MTARC2: variants seen among roughly 807,000 people sequenced by gnomAD.
The protein encoded by MTARC2 is mitochondrial amidoxime reducing component 2.
MTARC2 carries 27 observed loss-of-function variants against 35.6 expected under a neutral mutation model. The ratio of observed to expected loss-of-function variants is 0.76; its 90% CI spans 0.56 to 1.04. MTARC2 has a LOEUF of 1.04. MTARC2 is among the 50% of genes least tolerant of loss of function. The pLI is 0.00. For synonymous variants in MTARC2, 158 were observed against 167.1 expected, an observed-to-expected ratio of 0.95 and a Z score of 0.42; for missense variants, 412 against 432.5, an observed-to-expected ratio of 0.95 and a Z score of 0.42.
chr1:220,768,922 C>T (rs984002082), intron 4 of MTARC2, among the ~76,000 whole-genome samples: 2 of 152,096 alleles, frequency 1.3e-5, no homozygotes, highest in Non-Finnish European at 2.9e-5. Context: ...TGGGGAGCTT[C>T]TGACATGCGT....
intron 4 of MTARC2, among the ~76,000 whole-genome samples, chr1:220,776,597 A>G (rs1671920758): frequency 1.3e-5 from 2 of 152,300 alleles, no homozygotes; most frequent in Admixed American, 6.5e-5. Context: ...TTTAGGAAGT[A>G]ACTAGAGCCG....
At chr1:220,761,604 C>T in intron 2 of MTARC2, 54 bp from the exon 3 acceptor site, 2 of 1,524,024 alleles carry the variant, frequency 1.3e-6, no homozygotes, top group Non-Finnish European at 1.8e-6. Flanking sequence ...TGACACCATC[C>T]CTCAGTGTAT....
intron 2 of MTARC2, among the ~76,000 whole-genome samples, chr1:220,758,873 T>C (rs1419976733): frequency 6.6e-6 from 1 of 152,058 alleles, no homozygotes; most frequent in Non-Finnish European, 1.5e-5. Flanking sequence ...GTGTGTGTAT[T>C]AAATAAAGCA....
At chr1:220,773,957 AT>A (rs1391598626) in intron 4 of MTARC2, among the ~76,000 whole-genome samples, 1 of 149,184 alleles carries the variant, frequency 6.7e-6, no homozygotes, top group Non-Finnish European at 1.5e-5. Context: ...ATCCTCTATT[AT>A]ATATAAACAC....
chr1:220,755,227 G>T, intron 2 of MTARC2, 107 bp downstream of exon 2: 7 of 1,216,878 alleles, frequency 5.8e-6, no homozygotes, highest in African/African-American at 1.5e-5. Flanking sequence ...GATGACATTG[G>T]TAAAGGAAAC....
Position 220,780,014 on chromosome 1 carries a change from T to A in MTARC2, c.751-4T>A. 1.3e-6 allele frequency: 2 copies of A among 1,531,748 alleles called. No individual in the cohort carries two copies. Among genetic ancestry groups the A allele is most frequent in the African/African-American group, 1.4e-5 (1 of 70,102 alleles). The allele number at this position is 1,531,748 out of a possible 1,614,324, so 94.9% of individuals were successfully genotyped here. A position where few individuals can be genotyped will look rare whatever the true frequency, so the allele number is the denominator to read the frequency against. ...TTAAAAGATAACTTTCTCTTTTCTC[T>A]TAGGATACCTGGGATGAACTCCTAA... On this transcript the variant is annotated splice_polypyrimidine_tract_variant and splice_region_variant and intron_variant, in intron 4 of 7. Coordinates refer to ENST00000366913, the MANE Select transcript of MTARC2 (RefSeq NM_017898.5).
intron 4 of MTARC2, among the ~76,000 whole-genome samples, chr1:220,766,771 C>T (rs948118397): frequency 6.6e-6 from 1 of 151,294 alleles, no homozygotes; most frequent in Non-Finnish European, 1.5e-5. Flanking sequence ...CTAATGTAAA[C>T]CTAATCCTGC....
intron 4 of MTARC2, among the ~76,000 whole-genome samples, chr1:220,771,442 C>T (rs536018984): frequency 2.0e-5 from 3 of 152,110 alleles, no homozygotes; most frequent in Admixed American, 2.0e-4. Context: ...CATGCGATTC[C>T]GTAGGAGCAT....
At chr1:220,780,315 T>C (rs748842754) in intron 6 of MTARC2, 76 bp downstream of exon 6, 1 of 1,308,036 alleles carries the variant, frequency 7.6e-7, no homozygotes, top group Non-Finnish European at 1.1e-6. Context: ...AGGTGCTATG[T>C]CTGCTTTAGG....
intron 4 of MTARC2, among the ~76,000 whole-genome samples, chr1:220,772,144 A>G (rs946736567): frequency 1.3e-5 from 2 of 152,204 alleles, no homozygotes; most frequent in African/African-American, 4.8e-5. Flanking sequence ...TTGTTTAGCC[A>G]TTCCCTTATG....
intron 1 of MTARC2, 59 bp downstream of exon 1, chr1:220,748,862 G>A (rs972552692): frequency 9.4e-6 from 14 of 1,484,802 alleles, no homozygotes; most frequent in African/African-American, 2.9e-5. Context: ...GGAGCGGGGG[G>A]GCAGGTGGGG....
At chr1:220,760,774 G>A (rs148548086) in intron 2 of MTARC2, among the ~76,000 whole-genome samples, 169 of 152,142 alleles carry the variant, frequency 1.1e-3, no homozygotes, top group African/African-American at 3.9e-3. Context: ...GTAAGTGAGC[G>A]ATAGCCATAA....
At chr1:220,759,381 A>C (rs1192049518) in intron 2 of MTARC2, among the ~76,000 whole-genome samples, 1 of 152,158 alleles carries the variant, frequency 6.6e-6, no homozygotes, top group Non-Finnish European at 1.5e-5. Flanking sequence ...TGTAGAAGAG[A>C]GTGGACTTTG....
At chr1:220,771,296 C>CAAAAAAAG (rs1671737762) in intron 4 of MTARC2, among the ~76,000 whole-genome samples, 1 of 57,108 alleles carries the variant, frequency 1.8e-5, no homozygotes, top group Admixed American at 2.2e-4. Flanking sequence ...GAGACTGTCT[C>CAAAAAAAG]AAAAAAAAAA....
In MTARC2 at chr1:220,761,671, G is replaced by A. The variant is rs534822816; in HGVS notation, c.460G>A (p.Asp154Asn). 2.5e-5 allele frequency: 41 copies of A among 1,610,948 alleles called. No individual in the cohort carries two copies. Among genetic ancestry groups the A allele is most frequent in the Middle Eastern group, 3.3e-4 (2 of 6,054 alleles). Residue 154 changes from aspartate to asparagine, a missense_variant, in exon 3 of 8, where the codon GAC (aspartate) becomes AAC (asparagine). By Grantham distance (23) the Asp-to-Asn change is conservative (BLOSUM62 1). Transcript: ENST00000366913. ...TGACCTTTCCAGGATATTTGGCCTT[G>A]ACATTAAAGGCAGAGACTGTGGCAA... ...KLHNCRIFGL[D>N]IKGRDCGNEA...
At chr1:220,778,771 A>G (rs1671988477) in intron 4 of MTARC2, among the ~76,000 whole-genome samples, 1 of 152,224 alleles carries the variant, frequency 6.6e-6, no homozygotes, top group Non-Finnish European at 1.5e-5. Context: ...GTTTCTTAAA[A>G]GCAGGAGATG....
intron 4 of MTARC2, among the ~76,000 whole-genome samples, chr1:220,771,518 C>G (rs1671744215): frequency 6.6e-6 from 1 of 152,158 alleles, no homozygotes; most frequent in Admixed American, 6.5e-5. Flanking sequence ...GGTCTCCACA[C>G]AGTGCCGTTC....
chr1:220,750,967 A>G (rs959819078), intron 1 of MTARC2, among the ~76,000 whole-genome samples: 2 of 152,364 alleles, frequency 1.3e-5, no homozygotes, highest in South Asian at 4.1e-4. Context: ...AATGAGGTTG[A>G]ACTTCATGGT....
At chr1:220,779,183 G>A (rs1292260989) in intron 4 of MTARC2, among the ~76,000 whole-genome samples, 2 of 152,050 alleles carry the variant, frequency 1.3e-5, no homozygotes, top group Non-Finnish European at 2.9e-5. Context: ...GTATATGTAT[G>A]TGTGTGTGTA....
Sources: gnomAD v4.1 joint callset for allele counts (sites outside exome capture counted in the v4.1 genomes callset) on GRCh38, gnomAD v4.1.1 for gene constraint, MANE v1.5 for transcripts, NCBI Gene and HGNC (gene_info 2026-07-23, HGNC 2026-07-21) for gene names.